The following ZNF33B variants were observed in gnomAD, a reference collection of about 807,000 sequenced individuals.
ZNF33B encodes the protein zinc finger protein 11b (KOX 2).
A neutral mutation model predicts 45.8 loss-of-function variants in ZNF33B; 29 were observed. That is an observed-to-expected ratio of 0.63 (90% confidence interval 0.47 to 0.86). ZNF33B has a LOEUF of 0.86. ZNF33B is among the 40% of genes least tolerant of loss of function. The probability of loss-of-function intolerance (pLI) is 0.00; values close to 1 mark genes in which losing one functional copy is unlikely to be tolerated. For missense variants in ZNF33B, 831 were observed against 909.9 expected, an observed-to-expected ratio of 0.91 and a Z score of 1.12; for synonymous variants, 305 against 307.8, an observed-to-expected ratio of 0.99 and a Z score of 0.10.
chr10:42,578,032 C>T (rs548703357), intron 1 of ZNF33B, among the ~76,000 whole-genome samples: 34 of 152,088 alleles, frequency 2.2e-4, no homozygotes, highest in African/African-American at 5.8e-4. Context: ...AGAGGATAGC[C>T]GGTGGGCCTG....
intron 2 of ZNF33B, among the ~76,000 whole-genome samples, chr10:42,633,587 A>G (rs988177358): frequency 2.0e-5 from 3 of 152,242 alleles, no homozygotes; most frequent in Admixed American, 2.0e-4. Context: ...AGCTGCTCAG[A>G]TACTAGGGCC....
At chr10:42,604,539 G>C (rs1484420957) in intron 4 of ZNF33B, among the ~76,000 whole-genome samples, 8 of 152,160 alleles carry the variant, frequency 5.3e-5, no homozygotes, top group Admixed American at 6.5e-5. Context: ...AAAAATATTA[G>C]TAAGAAGACA....
intron 4 of ZNF33B, among the ~76,000 whole-genome samples, chr10:42,607,488 T>C (rs1837911440): frequency 6.6e-6 from 1 of 152,110 alleles, no homozygotes; most frequent in South Asian, 2.1e-4. Context: ...CTATGTGATA[T>C]GTCTGGGTAA....
downstream of ZNF33B, among the ~76,000 whole-genome samples, chr10:42,584,346 G>C: frequency 6.6e-6 from 1 of 152,104 alleles, no homozygotes; most frequent in East Asian, 1.9e-4. Context: ...AGCAAGGATC[G>C]CAACAACAAG....
chr10:42,592,517 T>C lies in ZNF33B; in HGVS notation c.*96A>G. On this transcript the variant is annotated 3_prime_UTR_variant, in exon 5 of 5. Coordinates refer to ENST00000359467, the MANE Select transcript of ZNF33B (RefSeq NM_006955.3). ...ATAAGGCGAGTTTGTGGATAGTTAT[T>C]GAACATTCAGGATGTCAACAGGCCC... 3 of 1,470,806 alleles carry C rather than the reference T, an allele frequency of 2.0e-6. No individual in the cohort carries two copies. Among genetic ancestry groups the C allele is most frequent in the Admixed American group, 4.4e-5 (2 of 45,398 alleles). 91.1% of individuals were successfully genotyped at this position (1,470,806 alleles called of 1,614,324 possible). A position where few individuals can be genotyped will look rare whatever the true frequency, so the allele number is the denominator to read the frequency against.
intron 4 of ZNF33B, among the ~76,000 whole-genome samples, chr10:42,615,693 G>A (rs1027724808): frequency 2.0e-5 from 3 of 152,202 alleles, no homozygotes; most frequent in East Asian, 3.8e-4. Flanking sequence ...AGAGGCCTAT[G>A]CAGGCAGATC....
intron 4 of ZNF33B, among the ~76,000 whole-genome samples, chr10:42,609,781 T>A (rs1242013629): frequency 6.6e-6 from 1 of 151,978 alleles, no homozygotes; most frequent in African/African-American, 2.4e-5. Context: ...AACTAATACA[T>A]CACATAAGCA....
At chr10:42,636,994 G>A in intron 1 of ZNF33B, 22 bp from the exon 2 acceptor site, 1 of 1,612,766 alleles carries the variant, frequency 6.2e-7, no homozygotes, top group Middle Eastern at 1.7e-4. Context: ...AAAGAGGAAT[G>A]GGGTCATGAA....
At chr10:42,616,781 C>T (rs1326283305) in intron 4 of ZNF33B, among the ~76,000 whole-genome samples, 13 of 152,080 alleles carry the variant, frequency 8.5e-5, no homozygotes, top group Admixed American at 2.0e-4. Context: ...CTGCAACCTC[C>T]GCCTCCCGGA....
At chr10:42,597,009 C>A (rs978163897) in intron 4 of ZNF33B, among the ~76,000 whole-genome samples, 5 of 151,476 alleles carry the variant, frequency 3.3e-5, no homozygotes, top group Non-Finnish European at 7.4e-5. Context: ...GGAAAGAAAT[C>A]ATTCCATTTT....
chr10:42,592,953 T>G lies in ZNF33B; in HGVS notation c.1997A>C (p.Lys666Thr). The change falls in exon 5 of 5, where the codon AAA (lysine) becomes ACA (threonine). Residue 666 changes from lysine to threonine, a missense_variant. Lys to Thr is a moderately conservative substitution (Grantham distance 78, BLOSUM62 -1). Coordinates refer to ENST00000359467, the MANE Select transcript of ZNF33B (RefSeq NM_006955.3). ...QRTHTQEKPY[K>T]CNECGKSFCV... ...GAAAGATTTTCCACATTCGTTACAT[T>G]TATAAGGCTTTTCTTGTGTATGGGT... The G allele has an allele frequency of 6.2e-7, 1 of 1,613,320 alleles. No homozygotes were observed. Among genetic ancestry groups the G allele is most frequent in the Non-Finnish European group, 8.5e-7 (1 of 1,179,812 alleles).
chr10:42,595,250 C>G (rs1837350564), intron 4 of ZNF33B, among the ~76,000 whole-genome samples: 1 of 152,140 alleles, frequency 6.6e-6, no homozygotes, highest in South Asian at 2.1e-4. Flanking sequence ...AAACACAAAA[C>G]TACTCCCAGA....
chr10:42,615,661 C>T (rs993514508), intron 4 of ZNF33B, among the ~76,000 whole-genome samples: 5 of 152,286 alleles, frequency 3.3e-5, no homozygotes, highest in Middle Eastern at 3.4e-3. Flanking sequence ...CAGTGCCTCA[C>T]GCCTATAATC....
At chr10:42,599,607 T>C (rs1837541298) in intron 4 of ZNF33B, among the ~76,000 whole-genome samples, 1 of 151,966 alleles carries the variant, frequency 6.6e-6, no homozygotes, top group African/African-American at 2.4e-5. Context: ...TGCATTTACA[T>C]ATTGTGGAAA....
intron 4 of ZNF33B, 68 bp from the exon 5 acceptor site, chr10:42,594,767 C>T (rs1837325648): frequency 3.4e-6 from 5 of 1,482,378 alleles, no homozygotes; most frequent in Admixed American, 2.5e-5. Context: ...GAAATCTCTA[C>T]ACAAATGCCC....
chr10:42,606,940 G>T (rs1674905183), intron 4 of ZNF33B, among the ~76,000 whole-genome samples: 2 of 152,042 alleles, frequency 1.3e-5, no homozygotes, highest in Admixed American at 6.6e-5. Flanking sequence ...CTTACTGGTT[G>T]AGCTTCCCAA....
chr10:42,625,153 T>A (rs187897900), intron 4 of ZNF33B, among the ~76,000 whole-genome samples: 1 of 152,058 alleles, frequency 6.6e-6, no homozygotes, highest in East Asian at 1.9e-4. Context: ...GCCATTAAAC[T>A]GTAGGTCAAT....
intron 4 of ZNF33B, among the ~76,000 whole-genome samples, chr10:42,614,678 G>A (rs1285655080): frequency 6.6e-6 from 1 of 152,084 alleles, no homozygotes; most frequent in Non-Finnish European, 1.5e-5. Flanking sequence ...ACATCAGTCC[G>A]GGAGCAGTGG....
At chr10:42,579,933 T>C (rs1158951348) in intron 1 of ZNF33B, 2 of 154,368 alleles carry the variant, frequency 1.3e-5, no homozygotes, top group Non-Finnish European at 2.9e-5. Context: ...TCTCCAATCA[T>C]ACCATGTTAA....
Sources: gnomAD v4.1 joint callset for allele counts (sites outside exome capture counted in the v4.1 genomes callset) on GRCh38, gnomAD v4.1.1 for gene constraint, MANE v1.5 for transcripts, NCBI Gene and HGNC (gene_info 2026-07-23, HGNC 2026-07-21) for gene names.